The following PDE8B variants were observed in gnomAD, a reference collection of about 807,000 sequenced individuals.
PDE8B encodes phosphodiesterase 8B.
A neutral mutation model predicts 101.3 loss-of-function variants in PDE8B; 26 were observed. That is an observed-to-expected ratio of 0.26 (90% CI 0.19 to 0.36). PDE8B has a LOEUF of 0.36. PDE8B is among the 10% of genes least tolerant of loss of function. The pLI is 1.00. For synonymous variants in PDE8B, 424 were observed against 429.3 expected (o/e 0.99, Z 0.15); for missense variants, 810 against 1,163.1 (o/e 0.70, Z 4.42).
rs545332500 is a variant in PDE8B at position 77,295,103 on chromosome 5, G to T, written c.340-16891G>T. ...AAGACCAAGTCGTTTATAAGGAAAA[G>T]AAATCAGATTGGCATCAGAACCTGA... is the stretch of plus-strand genomic sequence containing the variant. On this transcript the variant is annotated intron_variant, in intron 1 of 21. Coordinates refer to ENST00000264917, the MANE Select transcript of PDE8B (RefSeq NM_003719.5). Among the ~76,000 whole-genome samples, 19 of 152,176 alleles carry T rather than the reference G, an allele frequency of 1.2e-4. No homozygotes were observed. The South Asian group carries it at 3.7e-3, about 30-fold the overall frequency.
intron 1 of PDE8B, among the ~76,000 whole-genome samples, chr5:77,267,269 C>A (rs1298275508): frequency 6.6e-6 from 1 of 151,892 alleles, no homozygotes; most frequent in Non-Finnish European, 1.5e-5. Flanking sequence ...GAAACCCCAT[C>A]TCTACTAAAA....
the PDE8B span, among the ~76,000 whole-genome samples, chr5:77,110,692 A>G: frequency 1.1e-4 from 16 of 152,324 alleles, no homozygotes; most frequent in African/African-American, 3.8e-4. Flanking sequence ...GTTGTCAACC[A>G]CAGACTGCGA....
At chr5:77,362,878 A>G (rs1783381991) in intron 10 of PDE8B, among the ~76,000 whole-genome samples, 1 of 151,744 alleles carries the variant, frequency 6.6e-6, no homozygotes, top group Admixed American at 6.6e-5. Context: ...GCCCCCGGCC[A>G]CCTCTCTCCT....
the PDE8B span, among the ~76,000 whole-genome samples, chr5:77,097,691 ATC>A: frequency 0.047 from 1,350 of 28,606 alleles, 124 homozygotes; most frequent in Admixed American, 0.083. Flanking sequence ...GATTTTATAT[ATC>A]TATATATATA....
chr5:77,297,019 A>G (rs1446384838), intron 1 of PDE8B, among the ~76,000 whole-genome samples: 1 of 152,128 alleles, frequency 6.6e-6, no homozygotes, highest in African/African-American at 2.4e-5. Context: ...TTGCATTTTG[A>G]AAGGACTAGA....
At chr5:77,395,539 A>G (rs1172066846) in intron 10 of PDE8B, among the ~76,000 whole-genome samples, 1 of 151,252 alleles carries the variant, frequency 6.6e-6, no homozygotes, top group African/African-American at 2.4e-5. Context: ...AACTTTTAAA[A>G]TTTTCACCTC....
the PDE8B span, among the ~76,000 whole-genome samples, chr5:77,126,024 C>T: frequency 6.6e-6 from 1 of 152,280 alleles, no homozygotes; most frequent in South Asian, 2.1e-4. Context: ...CAGTGGCTCA[C>T]GCCTGTAATC....
intron 7 of PDE8B, 62 bp from the exon 8 acceptor site, chr5:77,349,357 A>C: frequency 6.2e-7 from 1 of 1,606,186 alleles, no homozygotes; most frequent in African/African-American, 1.3e-5. Flanking sequence ...CGGGGCACAC[A>C]GACATTTCAT....
At chr5:77,159,611 G>T in the PDE8B span, among the ~76,000 whole-genome samples, 1 of 152,150 alleles carries the variant, frequency 6.6e-6, no homozygotes. Context: ...TTGGGGATTG[G>T]TGCGTTTGCA....
intron 1 of PDE8B, among the ~76,000 whole-genome samples, chr5:77,302,486 ACTGT>A (rs988116517): frequency 9.2e-5 from 14 of 151,978 alleles, no homozygotes; most frequent in Non-Finnish European, 1.8e-4. Flanking sequence ...GCCTGACCTC[ACTGT>A]CTGGGTGGCC....
intron 19 of PDE8B, 76 bp from the exon 20 acceptor site, chr5:77,421,745 G>A (rs1327970957): frequency 1.4e-6 from 2 of 1,423,806 alleles, no homozygotes; most frequent in Non-Finnish European, 2.0e-6. Flanking sequence ...GATCACCATC[G>A]AATGCCTGGC....
intron 1 of PDE8B, among the ~76,000 whole-genome samples, chr5:77,271,862 C>A (rs1232764710): frequency 6.6e-6 from 1 of 152,194 alleles, no homozygotes; most frequent in Non-Finnish European, 1.5e-5. Flanking sequence ...ATAACAGGTT[C>A]TTCAGGTGGT....
chr5:77,334,479 A>C (rs1477394945), intron 5 of PDE8B, among the ~76,000 whole-genome samples: 1 of 152,144 alleles, frequency 6.6e-6, no homozygotes, highest in African/African-American at 2.4e-5. Flanking sequence ...TATTTGTTCA[A>C]TTTAACAAGT....
At chr5:77,183,125 TATTA>T in the PDE8B span, among the ~76,000 whole-genome samples, 26 of 130,946 alleles carry the variant, frequency 2.0e-4, no homozygotes, top group East Asian at 1.2e-3. Flanking sequence ...TTATTATTAT[TATTA>T]ATTATTTTGA....
chr5:77,190,055 G>A, the PDE8B span, among the ~76,000 whole-genome samples: 1 of 152,206 alleles, frequency 6.6e-6, no homozygotes, highest in African/African-American at 2.4e-5. Context: ...CTAACACGGT[G>A]TGAGTTGTTA....
At chr5:77,170,141 A>G in the PDE8B span, among the ~76,000 whole-genome samples, 1 of 152,198 alleles carries the variant, frequency 6.6e-6, no homozygotes, top group Non-Finnish European at 1.5e-5. Flanking sequence ...TTGGGCATGT[A>G]TGTGTTTTCC....
At chr5:77,096,906 C>T in the PDE8B span, among the ~76,000 whole-genome samples, 1 of 152,360 alleles carries the variant, frequency 6.6e-6, no homozygotes, top group African/African-American at 2.4e-5. Context: ...GGTAAGGTCA[C>T]ACTCACAAGT....
the PDE8B span, among the ~76,000 whole-genome samples, chr5:77,148,833 A>G: frequency 6.6e-6 from 1 of 152,086 alleles, no homozygotes; most frequent in South Asian, 2.1e-4. Flanking sequence ...TTGTTTTTCA[A>G]CATTTTTTTC....
At chr5:77,154,558 C>A in the PDE8B span, among the ~76,000 whole-genome samples, 21 of 152,316 alleles carry the variant, frequency 1.4e-4, no homozygotes, top group Admixed American at 9.1e-4. Context: ...TGCCCACATC[C>A]CCTGCATATA....
Sources: allele counts gnomAD v4.1 joint callset (sites outside exome capture counted in the v4.1 genomes callset), GRCh38; gene constraint gnomAD v4.1.1; transcripts MANE v1.5; gene names NCBI Gene and HGNC (gene_info 2026-07-23, HGNC 2026-07-21).